Variants in ATP13A4 observed in about 807,000 individuals in gnomAD.
ATP13A4 encodes probable cation-transporting ATPase 13A4.
Under a neutral mutation model 142.5 loss-of-function variants are expected in ATP13A4, and 114 were observed. That is an observed-to-expected ratio of 0.80 (90% CI 0.69 to 0.93). The LOEUF is 0.93. ATP13A4 is among the 40% of genes least tolerant of loss of function. The probability of loss-of-function intolerance (pLI) is 0.00; values close to 1 mark genes in which losing one functional copy is unlikely to be tolerated. For missense variants in ATP13A4, 1,392 were observed against 1,454.0 expected (o/e 0.96, Z 0.69); for synonymous variants, 488 against 514.8 (o/e 0.95, Z 0.70).
chr3:193,459,060 C>T, intron 14 of ATP13A4, 21 bp downstream of exon 14: 1 of 1,613,934 alleles, frequency 6.2e-7, no homozygotes, highest in East Asian at 2.2e-5. Flanking sequence ...TTCTCAGATT[C>T]TCTGAAGAGC....
intron 17 of ATP13A4, among the ~76,000 whole-genome samples, chr3:193,450,055 T>C (rs996900324): frequency 6.7e-6 from 1 of 148,628 alleles, no homozygotes; most frequent in Non-Finnish European, 1.5e-5. Flanking sequence ...GGAGGTGGAG[T>C]GAGCTGAGAT....
chr3:193,569,522 T>TTG (rs112149757), intron 2 of ATP13A4, among the ~76,000 whole-genome samples: 48 of 151,544 alleles, frequency 3.2e-4, no homozygotes, highest in African/African-American at 1.1e-3. Flanking sequence ...GTTTGGTTTT[T>TTG]TTGTTGTTGT....
Position 193,514,843 on chromosome 3 carries a change from C to T in ATP13A4, c.89G>A (p.Cys30Tyr). Residue 30 changes from cysteine to tyrosine, a missense_variant, in exon 2 of 30, where the codon TGC (cysteine) becomes TAC (tyrosine). By Grantham distance (194) the Cys-to-Tyr change is radical. Transcript: ENST00000342695. ...MEIFGYRTQG[C>Y]RKSLCLAGSI... ...TCCGGCAAGGCAGAGACTTTTCCGG[C>T]AGCCTTGAGTCCGATAGCCAAATAT... is the stretch of plus-strand genomic sequence containing the variant. 6.2e-7 allele frequency: 1 copy of T among 1,614,160 alleles called. No homozygotes were observed. The highest frequency in any genetic ancestry group is 8.5e-7 in the Non-Finnish European group (1 of 1,180,028).
At chr3:193,440,777 A>AAGG (rs1716586614) in intron 20 of ATP13A4, 140 bp from the exon 21 acceptor site, 3 of 877,918 alleles carry the variant, frequency 3.4e-6, no homozygotes, top group Non-Finnish European at 3.6e-6. Context: ...CTTCCTTTGG[A>AAGG]TTTTAAGACA....
chr3:193,455,212 G>T (rs1717526653), intron 16 of ATP13A4, among the ~76,000 whole-genome samples: 1 of 151,912 alleles, frequency 6.6e-6, no homozygotes, highest in South Asian at 2.1e-4. Flanking sequence ...GAGGTGGCGG[G>T]AGCCCGTAGT....
At position 193,401,267 on chromosome 3, in the gene ATP13A4, A is replaced by G. The variant is rs906904075; in HGVS notation, c.*1385T>C. ...ATATGTAGGTGTGCTCCTAGAGTTC[A>G]GTGTTGTCTCCTGAGGTAACAGAAA... On this transcript the variant is annotated 3_prime_UTR_variant, in exon 30 of 30. Transcript: ENST00000342695. 6.6e-6 allele frequency among the ~76,000 whole-genome samples: 1 copy of G among 152,210 alleles called. No homozygotes were observed. The highest frequency in any genetic ancestry group is 1.5e-5 in the Non-Finnish European group (1 of 68,044).
At chr3:193,574,423 A>G (rs1319357805) in intron 2 of ATP13A4, among the ~76,000 whole-genome samples, 1 of 152,212 alleles carries the variant, frequency 6.6e-6, no homozygotes, top group African/African-American at 2.4e-5. Flanking sequence ...CTGTCCGTCA[A>G]AAACCTAGAT....
chr3:193,490,995 A>G (rs888492635), intron 6 of ATP13A4, among the ~76,000 whole-genome samples: 2 of 152,206 alleles, frequency 1.3e-5, no homozygotes, highest in Non-Finnish European at 2.9e-5. Flanking sequence ...GTTACCTAAC[A>G]AAAGGATTAG....
intron 1 of ATP13A4, among the ~76,000 whole-genome samples, chr3:193,586,117 A>G (rs1724664224): frequency 7.1e-6 from 1 of 141,762 alleles, no homozygotes; most frequent in Non-Finnish European, 1.6e-5. Flanking sequence ...ACACACACAC[A>G]TATACACACA....
At chr3:193,562,113 G>GGTGT (rs1179269496) in intron 2 of ATP13A4, among the ~76,000 whole-genome samples, 5 of 152,036 alleles carry the variant, frequency 3.3e-5, no homozygotes, top group African/African-American at 1.2e-4. Context: ...CCTCACCAGT[G>GGTGT]GTGTGTGTCA....
At chr3:193,503,995 ATGTGTG>A (rs554927410) in intron 2 of ATP13A4, among the ~76,000 whole-genome samples, 1 of 136,086 alleles carries the variant, frequency 7.3e-6, no homozygotes, top group Non-Finnish European at 1.6e-5. Flanking sequence ...TTCTGTGTGC[ATGTGTG>A]TGTGTGTGTG....
intron 16 of ATP13A4, among the ~76,000 whole-genome samples, chr3:193,456,327 G>A (rs921643417): frequency 2.6e-5 from 4 of 152,186 alleles, no homozygotes; most frequent in Non-Finnish European, 4.4e-5. Flanking sequence ...AAAGCGTTTG[G>A]TGGTGTACAT....
At chr3:193,557,029 G>A (rs966309127), upstream of ATP13A4, among the ~76,000 whole-genome samples, 3 of 152,154 alleles carry the variant, frequency 2.0e-5, no homozygotes, top group East Asian at 5.8e-4. Context: ...TTTTGGCTGG[G>A]TTCCTGAATG....
intron 15 of ATP13A4, 49 bp downstream of exon 15, chr3:193,457,330 T>A: frequency 6.2e-7 from 1 of 1,603,878 alleles, no homozygotes; most frequent in East Asian, 2.2e-5. Flanking sequence ...GCCAGAAGAG[T>A]TTCTCTTTGA....
intron 22 of ATP13A4, among the ~76,000 whole-genome samples, 154 bp from the exon 23 acceptor site, chr3:193,438,738 A>G (rs991244234): frequency 6.6e-6 from 1 of 152,222 alleles, no homozygotes; most frequent in Middle Eastern, 3.2e-3. Context: ...TGAGAAAAAG[A>G]TGGCATTAGG....
At chr3:193,533,345 A>G (rs1483474547) in intron 1 of ATP13A4, among the ~76,000 whole-genome samples, 1 of 152,180 alleles carries the variant, frequency 6.6e-6, no homozygotes, top group African/African-American at 2.4e-5. Context: ...GAAAACAAAC[A>G]TAAGAAGGCT....
chr3:193,471,808 T>C (rs1718645147), intron 8 of ATP13A4, among the ~76,000 whole-genome samples: 1 of 152,186 alleles, frequency 6.6e-6, no homozygotes. Context: ...TGCCTTTACT[T>C]CTTTTCTTCC....
intron 2 of ATP13A4, among the ~76,000 whole-genome samples, chr3:193,579,884 G>T (rs1357559645): frequency 6.6e-6 from 1 of 152,164 alleles, no homozygotes; most frequent in Admixed American, 6.5e-5. Flanking sequence ...TTTATAATGA[G>T]ATACACATAT....
chr3:193,555,895 G>A (rs571428369), upstream of ATP13A4, among the ~76,000 whole-genome samples: 4 of 152,262 alleles, frequency 2.6e-5, no homozygotes, highest in South Asian at 4.2e-4. Context: ...ATAGGAACCG[G>A]CTCTTCTCAT....
Sources: gnomAD v4.1 joint callset for allele counts (sites outside exome capture counted in the v4.1 genomes callset) on GRCh38, gnomAD v4.1.1 for gene constraint, MANE v1.5 for transcripts, NCBI Gene and HGNC (gene_info 2026-07-23, HGNC 2026-07-21) for gene names.